The following HERC4 variants were observed in gnomAD, a reference collection of about 807,000 sequenced individuals.
HERC4 encodes the protein HECT and RLD domain containing E3 ubiquitin protein ligase 4.
HERC4 carries 28 observed loss-of-function variants against 124.3 expected under a neutral mutation model. That is an observed-to-expected ratio of 0.23 (90% CI 0.17 to 0.31). The LOEUF (loss-of-function observed/expected upper bound fraction) is 0.31. Among genes scored for constraint, HERC4 ranks in the 10% least tolerant of loss-of-function variants. The probability of loss-of-function intolerance (pLI) is 1.00; values close to 1 mark genes in which losing one functional copy is unlikely to be tolerated. For synonymous variants in HERC4, 407 were observed against 421.5 expected (o/e 0.97, Z 0.42); for missense variants, 713 against 1,229.3 (o/e 0.58, Z 6.28).
chr10:67,998,671 CTTA>C (rs1288042622), intron 9 of HERC4, among the ~76,000 whole-genome samples: 1 of 152,064 alleles, frequency 6.6e-6, no homozygotes, highest in Non-Finnish European at 1.5e-5. Context: ...GTTCTCTAAC[CTTA>C]TTGTTTCTAA....
chr10:68,061,876 A>ATT (rs1200065815), intron 3 of HERC4, among the ~76,000 whole-genome samples: 3 of 98,020 alleles, frequency 3.1e-5, no homozygotes, highest in African/African-American at 1.5e-4. Flanking sequence ...GCGAGACTCC[A>ATT]TTTAAAAAAA....
At position 68,010,712 on chromosome 10, in the gene HERC4, T is replaced by A. The variant is rs2037897695; in HGVS notation, c.1069+3314A>T. 2.0e-5 allele frequency: 29 copies of A among 1,485,284 alleles called. No homozygotes were observed. The South Asian group carries it at 3.3e-4, about 17-fold the overall frequency. The allele number at this position is 1,485,284 out of a possible 1,614,324, so 92.0% of individuals were successfully genotyped here. A position where few individuals can be genotyped will look rare whatever the true frequency, so the allele number is the denominator to read the frequency against. On this transcript the variant is annotated intron_variant, in intron 9 of 24. Coordinates refer to ENST00000373700, the MANE Select transcript of HERC4 (RefSeq NM_015601.4). ...ACACATGTTCTTGAAGCTAAGCTGT[T>A]GAGCCTCAAAGAGGCAGATGGTCGT...
intron 9 of HERC4, among the ~76,000 whole-genome samples, chr10:67,998,351 C>A (rs1279689644): frequency 1.3e-5 from 2 of 151,578 alleles, no homozygotes; most frequent in East Asian, 2.0e-4. Flanking sequence ...AGTTTGAGAA[C>A]AGCCTGGCCA....
intron 16 of HERC4, among the ~76,000 whole-genome samples, chr10:67,957,218 G>C (rs1308855433): frequency 3.9e-5 from 6 of 152,170 alleles, no homozygotes; most frequent in Non-Finnish European, 7.4e-5. Context: ...TATACTGCAA[G>C]TATCTTTTGC....
At chr10:67,963,870 T>C (rs751120282) in intron 16 of HERC4, among the ~76,000 whole-genome samples, 3 of 152,180 alleles carry the variant, frequency 2.0e-5, no homozygotes, top group Non-Finnish European at 2.9e-5. Context: ...AAAATTTGCA[T>C]TTAAAGATAG....
chr10:68,053,293 T>A (rs1019219500), intron 3 of HERC4, among the ~76,000 whole-genome samples: 2 of 151,994 alleles, frequency 1.3e-5, no homozygotes, highest in Non-Finnish European at 2.9e-5. Context: ...TTATTTAATA[T>A]GTATTTAAGC....
chr10:67,978,046 G>A (rs184488101), intron 15 of HERC4, among the ~76,000 whole-genome samples: 3 of 151,306 alleles, frequency 2.0e-5, no homozygotes, highest in Admixed American at 6.6e-5. Flanking sequence ...GGAGGCCAAG[G>A]CAGGCAGATC....
intron 20 of HERC4, among the ~76,000 whole-genome samples, chr10:67,940,272 A>C (rs2032765661): frequency 6.6e-6 from 1 of 152,178 alleles, no homozygotes; most frequent in African/African-American, 2.4e-5. Flanking sequence ...TTATTTAATA[A>C]AAATAAATTT....
In HERC4 at chr10:68,032,853, AT is replaced by A; in HGVS notation, c.701del (p.Asn234IlefsTer3). The A allele has an allele frequency of 1.3e-6, 2 of 1,520,124 alleles. No homozygotes were observed. The highest frequency in any genetic ancestry group is 1.8e-6 in the Non-Finnish European group (2 of 1,094,528). The allele number at this position is 1,520,124 out of a possible 1,614,324, so 94.2% of individuals were successfully genotyped here. ...LNDENDRYVP[N>X]LLKSLRSQKI... ...TCTGAGATCTTAGTGACTTTAGTAA[AT>A]TAGGAACATACCTATCTGAAAATTC... On this transcript the variant is annotated frameshift_variant, in exon 7 of 25. Coordinates refer to ENST00000373700, the MANE Select transcript of HERC4 (RefSeq NM_015601.4). LOFTEE classifies it high-confidence loss of function.
chr10:68,027,725 C>T (rs1015890494), intron 7 of HERC4, among the ~76,000 whole-genome samples: 3 of 152,020 alleles, frequency 2.0e-5, no homozygotes, highest in Non-Finnish European at 2.9e-5. Context: ...GAGATCAAGG[C>T]CATCCTGGCC....
intron 4 of HERC4, among the ~76,000 whole-genome samples, chr10:68,043,018 TTC>T (rs1334844381): frequency 6.6e-6 from 1 of 152,180 alleles, no homozygotes. Flanking sequence ...CTCAAGTAAA[TTC>T]TCTTTCAGGT....
intron 23 of HERC4, among the ~76,000 whole-genome samples, chr10:67,932,104 C>T (rs1402940899): frequency 5.3e-5 from 8 of 151,894 alleles, no homozygotes; most frequent in African/African-American, 1.7e-4. Context: ...ATTACAGGCA[C>T]GTGCCACCAC....
intron 11 of HERC4, among the ~76,000 whole-genome samples, chr10:67,991,981 C>T (rs1381630943): frequency 6.6e-6 from 1 of 152,106 alleles, no homozygotes; most frequent in Non-Finnish European, 1.5e-5. Flanking sequence ...TCACTGCAGC[C>T]TCGACCTCCT....
intron 3 of HERC4, among the ~76,000 whole-genome samples, chr10:68,059,077 T>A (rs534589239): frequency 6.6e-6 from 1 of 152,134 alleles, no homozygotes; most frequent in African/African-American, 2.4e-5. Flanking sequence ...TAGCTCTCTA[T>A]ACATTACTCT....
intron 19 of HERC4, among the ~76,000 whole-genome samples, chr10:67,946,398 A>ACACAC (rs1554902009): frequency 9.4e-6 from 1 of 106,544 alleles, no homozygotes; most frequent in African/African-American, 3.2e-5. Flanking sequence ...CACACACACA[A>ACACAC]GACCCAATGA....
At chr10:67,976,420 AT>A (rs1039925457) in intron 15 of HERC4, among the ~76,000 whole-genome samples, 1 of 152,148 alleles carries the variant, frequency 6.6e-6, no homozygotes, top group Non-Finnish European at 1.5e-5. Flanking sequence ...TCTGATATAT[AT>A]TTTTGTTTAT....
In HERC4 at chr10:68,073,192, G is replaced by T; in HGVS notation, c.-78-6C>A. The T allele has an allele frequency of 1.0e-6, 1 of 977,144 alleles. No individual in the cohort carries two copies. 60.5% of individuals were successfully genotyped at this position (977,144 alleles called of 1,614,324 possible). ...AAGTTGGAGGTACCCTATGTCTGAG[G>T]AAATAGAAAGAAGTTAATATGACTT... On this transcript the variant is annotated splice_polypyrimidine_tract_variant and splice_region_variant and intron_variant, in intron 2 of 24. Coordinates refer to ENST00000373700, the MANE Select transcript of HERC4 (RefSeq NM_015601.4).
chr10:67,992,926 C>T, intron 9 of HERC4: 1 of 305,276 alleles, frequency 3.3e-6, no homozygotes, highest in Non-Finnish European at 5.9e-6. Flanking sequence ...TTTCTTCTGC[C>T]CTGCACCAAG....
At chr10:68,023,588 T>G (rs2038754632) in intron 8 of HERC4, among the ~76,000 whole-genome samples, 1 of 152,122 alleles carries the variant, frequency 6.6e-6, no homozygotes, top group Non-Finnish European at 1.5e-5. Flanking sequence ...GGTATAGAGC[T>G]TCAGTTTTGC....
Sources: allele counts gnomAD v4.1 joint callset (sites outside exome capture counted in the v4.1 genomes callset), GRCh38; gene constraint gnomAD v4.1.1; transcripts MANE v1.5; gene names NCBI Gene and HGNC (gene_info 2026-07-23, HGNC 2026-07-21).